The following NSD1 variants were observed in gnomAD, a reference collection of about 807,000 sequenced individuals.
The protein encoded by NSD1 is nuclear receptor binding SET domain protein 1.
A neutral mutation model predicts 242.7 loss-of-function variants in NSD1; 26 were observed. The observed-to-expected ratio is 0.11, with a 90% CI of 0.08 to 0.15. The LOEUF (loss-of-function observed/expected upper bound fraction) is 0.15, where lower values mean the gene tolerates loss of function less well. Among genes scored for constraint, NSD1 ranks in the 10% least tolerant of loss-of-function variants. The pLI is 1.00. For synonymous variants in NSD1, 1,106 were observed against 1,178.1 expected (o/e 0.94, Z 1.25); for missense variants, 2,495 against 3,272.8 (o/e 0.76, Z 5.80).
rs1292529414 is a variant in NSD1 at position 177,246,669 on chromosome 5, C to T, written c.4379-9C>T. 6.3e-7 allele frequency: 1 copy of T among 1,598,164 alleles called. No homozygotes were observed. Among genetic ancestry groups the T allele is most frequent in the East Asian group, 2.2e-5 (1 of 44,792 alleles). The stretch of plus-strand genomic sequence containing the variant: ...TAGCCAGCAGTTAACACCTATTTTC[C>T]TGTCATAGGCACTACCAAGATATTT... On this transcript the variant is annotated splice_polypyrimidine_tract_variant and intron_variant, in intron 9 of 22. Coordinates refer to ENST00000439151, the MANE Select transcript of NSD1 (RefSeq NM_022455.5).
At chr5:177,266,185 A>C (rs1035199048) in intron 14 of NSD1, 1 of 1,047,970 alleles carries the variant, frequency 9.5e-7, no homozygotes, top group South Asian at 1.3e-5. Context: ...GGACTCGTAG[A>C]AGAGGCAGTT....
intron 5 of NSD1, among the ~76,000 whole-genome samples, chr5:177,226,277 C>T (rs1344842093): frequency 2.0e-5 from 3 of 152,008 alleles, no homozygotes; most frequent in Non-Finnish European, 4.4e-5. Context: ...TCAAGTGTTC[C>T]ACCTGCTTTA....
intron 8 of NSD1, among the ~76,000 whole-genome samples, chr5:177,240,281 G>T (rs549515128): frequency 6.6e-6 from 1 of 152,116 alleles, no homozygotes; most frequent in African/African-American, 2.4e-5. Flanking sequence ...CCAGGCTGGA[G>T]TGCAGTGGCA....
intron 2 of NSD1, among the ~76,000 whole-genome samples, chr5:177,157,988 T>C (rs972392471): frequency 1.3e-5 from 2 of 152,250 alleles, no homozygotes; most frequent in African/African-American, 4.8e-5. Context: ...CACTTTTTGT[T>C]TGTCTTTTCA....
chr5:177,273,875 G>A (rs1467836053), intron 17 of NSD1, 91 bp downstream of exon 17: 2 of 889,710 alleles, frequency 2.2e-6, no homozygotes, highest in African/African-American at 1.7e-5. Flanking sequence ...GGAAGCACAA[G>A]CATAGTTCGT....
In NSD1 at chr5:177,248,259, C is replaced by G; in HGVS notation, c.4576C>G (p.Pro1526Ala). Residue 1526 changes from proline (P) to alanine (A), a missense_variant, in exon 11 of 23, where the codon CCT becomes GCT. This residue lies in a region of NSD1 where 97 missense variants were observed against 97.7 expected (regional missense o/e 0.99). Transcript: ENST00000439151. ...EEGVEHDPGMPASKKMQGERG... is the reference protein window; with the variant it reads ...EEGVEHDPGMAASKKMQGERG... ...AGGTGTAGAACACGATCCCGGGATG[C>G]CTGCCTCTAAAAAAATGCAGGGTGA... is the stretch of plus-strand genomic sequence containing the variant. The G allele has an allele frequency of 6.2e-7, 1 of 1,613,906 alleles. No homozygotes were observed. The highest frequency in any genetic ancestry group is 8.5e-7 in the Non-Finnish European group (1 of 1,179,954).
intron 4 of NSD1, among the ~76,000 whole-genome samples, chr5:177,207,168 C>T (rs998319591): frequency 2.6e-5 from 4 of 152,096 alleles, no homozygotes; most frequent in African/African-American, 9.7e-5. Context: ...ACCTCCTAAC[C>T]TAAGGTGACC....
Position 177,295,902 on chromosome 5 carries a change from C to T in NSD1, c.*443C>T, listed in dbSNP as rs1307753120. The T allele has an allele frequency of 8.1e-6, 3 of 369,314 alleles. No individual in the cohort carries two copies. Among genetic ancestry groups the T allele is most frequent in the Non-Finnish European group, 1.5e-5 (3 of 198,216 alleles). 22.9% of individuals were successfully genotyped at this position (369,314 alleles called of 1,614,324 possible). A position where few individuals can be genotyped will look rare whatever the true frequency, so the allele number is the denominator to read the frequency against. On this transcript the variant is annotated 3_prime_UTR_variant, in exon 23 of 23. Transcript: ENST00000439151. The surrounding 1 kb of genome is among the most constrained non-coding windows in gnomAD (Gnocchi z 4.3). ...GTTCTTTCAAATCAGTGGCGATTTC[C>T]TGAGCATTCACGTGTTCTAGGCCGG... is the stretch of plus-strand genomic sequence containing the variant.
Position 177,282,506 on chromosome 5 carries a change from A to G in NSD1, c.5934A>G (p.Glu1978=), listed in dbSNP as rs747791387. 6 of 1,613,698 alleles carry G rather than the reference A, an allele frequency of 3.7e-6. No individual in the cohort carries two copies. The African/African-American group carries it at 8.0e-5, about 22-fold the overall frequency. The part of the protein sequence containing the change: ...VNEYVGELID[E]EECRARIRYA... Reference sequence around the variant, plus strand: ...AGTATGTGGGTGAGCTTATAGATGAAGAAGAATGCAGAGCTCGAATTCGCT... The same window carrying G: ...AGTATGTGGGTGAGCTTATAGATGAGGAAGAATGCAGAGCTCGAATTCGCT... Residue 1978 remains glutamate (E), a synonymous_variant, in exon 19 of 23, where the codon GAA becomes GAG. Coordinates refer to ENST00000439151, the MANE Select transcript of NSD1 (RefSeq NM_022455.5).
At position 177,295,511 on chromosome 5, in the gene NSD1, G is replaced by A. The variant is rs1760202948; in HGVS notation, c.*52G>A. 1 of 1,571,964 alleles carries A rather than the reference G, an allele frequency of 6.4e-7. No homozygotes were observed. The highest frequency in any genetic ancestry group is 1.1e-5 in the South Asian group (1 of 88,850). On this transcript the variant is annotated 3_prime_UTR_variant, in exon 23 of 23. Coordinates refer to ENST00000439151, the MANE Select transcript of NSD1 (RefSeq NM_022455.5). The surrounding 1 kb of genome is among the most constrained non-coding windows in gnomAD (Gnocchi z 4.3). ...AAGCTGCCCCCAGGGTACCATTTGG[G>A]GAGGGGAAATCTTTTCTTTCTTTCC...
rs760524330 is a variant in NSD1, at chr5:177,294,112, C to T, written c.6744C>T (p.Pro2248=). 8.7e-6 allele frequency: 14 copies of T among 1,613,934 alleles called. No individual in the cohort carries two copies. Among genetic ancestry groups the T allele is most frequent in the African/African-American group, 4.0e-5 (3 of 74,882 alleles). ...CAACAGGAATGGCTGCTCAGGCACC[C>T]AAAATGTCAGATAAACCTCCTGCTG... ...EQSTGMAAQA[P]KMSDKPPADT... The change falls in exon 23 of 23, where the codon CCC becomes CCT. Residue 2248 remains proline, a synonymous_variant. Transcript: ENST00000439151.
Position 177,295,536 on chromosome 5 carries a change from C to G in NSD1, c.*77C>G. On this transcript the variant is annotated 3_prime_UTR_variant, in exon 23 of 23. Coordinates refer to ENST00000439151, the MANE Select transcript of NSD1 (RefSeq NM_022455.5). The surrounding 1 kb of genome is among the most constrained non-coding windows in gnomAD (Gnocchi z 4.3). ...GGAGGGGAAATCTTTTCTTTCTTTC[C>G]CCCTTAAAAAAAAACACATCTGCCC... is the stretch of plus-strand genomic sequence containing the variant. 1 of 1,448,516 alleles carries G rather than the reference C, an allele frequency of 6.9e-7. No individual in the cohort carries two copies. Among genetic ancestry groups the G allele is most frequent in the South Asian group, 1.2e-5 (1 of 82,988 alleles). The allele number at this position is 1,448,516 out of a possible 1,614,324, so 89.7% of individuals were successfully genotyped here.
intron 20 of NSD1, among the ~76,000 whole-genome samples, chr5:177,287,004 C>T (rs1295508255): frequency 6.6e-6 from 1 of 152,232 alleles, no homozygotes; most frequent in East Asian, 1.9e-4. Flanking sequence ...TTCCTGGGCC[C>T]TTCACATACC....
At chr5:177,190,009 G>A (rs188358061) in intron 2 of NSD1, among the ~76,000 whole-genome samples, 1 of 152,170 alleles carries the variant, frequency 6.6e-6, no homozygotes, top group African/African-American at 2.4e-5. Flanking sequence ...ACAGGCTGGA[G>A]TGCAGTGGGC....
chr5:177,277,662 T>A (rs4976681), intron 17 of NSD1, among the ~76,000 whole-genome samples: 97,003 of 151,826 alleles, frequency 0.64, 34,250 homozygotes, highest in Non-Finnish European at 0.8. Flanking sequence ...TTAAAACATA[T>A]ATTTTCCAGC....
chr5:177,266,260 C>A, intron 14 of NSD1: 1 of 765,104 alleles, frequency 1.3e-6, no homozygotes, highest in East Asian at 2.6e-5. Context: ...CCTCCACCTT[C>A]CCCTTGGTGA....
chr5:177,141,406 C>T (rs1038243039), intron 2 of NSD1, among the ~76,000 whole-genome samples: 10 of 146,182 alleles, frequency 6.8e-5, no homozygotes, highest in Admixed American at 4.9e-4. Context: ...CCTTAGCCCA[C>T]GGCAACCTCC....
intron 14 of NSD1, among the ~76,000 whole-genome samples, chr5:177,262,165 C>A (rs7719125): frequency 0.46 from 70,065 of 152,046 alleles, 17,720 homozygotes; most frequent in Admixed American, 0.56. Flanking sequence ...ATTTTTAATC[C>A]TCTGTAGGGC....
chr5:177,212,006 T>C lies in NSD1; in HGVS notation c.3607T>C (p.Phe1203Leu). 6.2e-7 allele frequency: 1 copy of C among 1,613,464 alleles called. No homozygotes were observed. Among genetic ancestry groups the C allele is most frequent in the Non-Finnish European group, 8.5e-7 (1 of 1,179,754 alleles). ...SDPVQEGRDE[F>L]PEHRTPSASI... ...CCCTGTGCAGGAGGGGCGGGATGAG[T>C]TTCCAGAGCATAGAACTCCTTCAGC... The change falls in exon 5 of 23, where the codon TTT becomes CTT. Residue 1203 changes from phenylalanine (F) to leucine (L), a missense_variant. Physicochemically the swap from Phe to Leu is conservative, Grantham distance 22 (BLOSUM62 0). This residue lies in a region of NSD1 where 426 missense variants were observed against 411.4 expected (regional missense o/e 1.04). Transcript: ENST00000439151.
Sources: gnomAD v4.1 joint callset for allele counts (sites outside exome capture counted in the v4.1 genomes callset) on GRCh38, gnomAD v4.1.1 for gene constraint, gnomAD v4.1.1 regional missense constraint, Gnocchi (gnomAD v3.1) non-coding constraint, MANE v1.5 for transcripts, NCBI Gene and HGNC (gene_info 2026-07-23, HGNC 2026-07-21) for gene names.